The following CCDC171 variants were observed in gnomAD, a reference collection of about 807,000 sequenced individuals.
CCDC171 encodes coiled-coil domain containing 171.
CCDC171 carries 177 observed loss-of-function variants against 168.2 expected under a neutral mutation model. The ratio of observed to expected loss-of-function variants is 1.05; its 90% CI spans 0.93 to 1.19. The LOEUF is 1.19. Ranked by LOEUF, CCDC171 falls within the 50% of genes most tolerant of loss-of-function variation. The pLI is 0.00. For missense variants in CCDC171, 1,991 were observed against 1,539.0 expected, an observed-to-expected ratio of 1.29 and a Z score of -4.91; for synonymous variants, 687 against 540.8, an observed-to-expected ratio of 1.27 and a Z score of -3.75.
chr9:15,974,685 A>C (rs1831567670), downstream of CCDC171, among the ~76,000 whole-genome samples: 1 of 152,210 alleles, frequency 6.6e-6, no homozygotes, highest in Non-Finnish European at 1.5e-5. Flanking sequence ...GATTGCAAAA[A>C]TTGCCAGTTC....
chr9:15,678,480 A>G (rs2049800793), intron 9 of CCDC171, among the ~76,000 whole-genome samples: 1 of 152,328 alleles, frequency 6.6e-6, no homozygotes, highest in Non-Finnish European at 1.5e-5. Flanking sequence ...TTGCTCGTCA[A>G]AAATGATGGT....
At chr9:15,941,524 T>C (rs1479362514) in intron 25 of CCDC171, among the ~76,000 whole-genome samples, 1 of 152,006 alleles carries the variant, frequency 6.6e-6, no homozygotes, top group African/African-American at 2.4e-5. Flanking sequence ...TAGGGAAATT[T>C]ACCTCAGTCT....
At chr9:16,081,334 C>G in the CCDC171 span, among the ~76,000 whole-genome samples, 1 of 152,192 alleles carries the variant, frequency 6.6e-6, no homozygotes, top group East Asian at 1.9e-4. Flanking sequence ...AGCCATCTCC[C>G]TTACTGGTCA....
At chr9:16,037,612 A>T (rs189906741) in intron 8 of CCDC171, among the ~76,000 whole-genome samples, 2 of 152,256 alleles carry the variant, frequency 1.3e-5, no homozygotes, top group Non-Finnish European at 2.9e-5. Context: ...TGAAAACATA[A>T]TAAATTATGA....
chr9:15,905,481 A>G (rs1799442885), intron 24 of CCDC171, among the ~76,000 whole-genome samples: 1 of 152,216 alleles, frequency 6.6e-6, no homozygotes, highest in South Asian at 2.1e-4. Flanking sequence ...CAACGAGAAC[A>G]AAGACACAAC....
the CCDC171 span, among the ~76,000 whole-genome samples, chr9:16,108,269 C>T: frequency 6.6e-6 from 1 of 152,202 alleles, no homozygotes; most frequent in African/African-American, 2.4e-5. Context: ...AACATGTATT[C>T]TGTTCTTTGG....
chr9:16,053,634 C>T (rs776405167), intron 1 of CCDC171, among the ~76,000 whole-genome samples: 24 of 152,252 alleles, frequency 1.6e-4, no homozygotes, highest in Non-Finnish European at 2.2e-4. Flanking sequence ...CTCCTGAGCA[C>T]GGCCCCTCTC....
intron 7 of CCDC171, 50 bp downstream of exon 7, chr9:15,623,463 A>ACGCGCACGCG: frequency 1.6e-6 from 1 of 633,912 alleles, no homozygotes; most frequent in Non-Finnish European, 2.6e-6. Context: ...ACTTTCACAT[A>ACGCGCACGCG]TGCGCGCGCG....
chr9:16,059,241 G>C (rs956367749), intron 1 of CCDC171, among the ~76,000 whole-genome samples: 1 of 152,226 alleles, frequency 6.6e-6, no homozygotes, highest in African/African-American at 2.4e-5. Context: ...TCAGGCAGGT[G>C]CGAATGTTTC....
chr9:16,098,571 C>T, the CCDC171 span, among the ~76,000 whole-genome samples: 13 of 152,154 alleles, frequency 8.5e-5, no homozygotes, highest in African/African-American at 2.4e-4. Context: ...ATCATATGTC[C>T]GCTTCCCAGT....
intron 11 of CCDC171, among the ~76,000 whole-genome samples, chr9:15,711,968 G>T (rs187924385): frequency 1.3e-5 from 2 of 152,194 alleles, no homozygotes; most frequent in African/African-American, 4.8e-5. Flanking sequence ...TTCCAGGAGG[G>T]TCTATTATCC....
intron 21 of CCDC171, among the ~76,000 whole-genome samples, chr9:15,793,019 T>A (rs888557867): frequency 3.9e-5 from 6 of 152,058 alleles, no homozygotes; most frequent in Non-Finnish European, 8.8e-5. Context: ...ATTAAAAGAC[T>A]CAGACTGGCA....
chr9:16,018,961 A>AG (rs1564122308), intron 3 of CCDC171, among the ~76,000 whole-genome samples: 10 of 152,056 alleles, frequency 6.6e-5, no homozygotes, highest in African/African-American at 2.4e-4. Flanking sequence ...AGATTGAACA[A>AG]TTTTTCCTAT....
At chr9:15,657,419 C>T (rs1312077554) in intron 8 of CCDC171, among the ~76,000 whole-genome samples, 200 bp downstream of exon 8, 2 of 152,164 alleles carry the variant, frequency 1.3e-5, no homozygotes, top group Non-Finnish European at 2.9e-5. Flanking sequence ...CTATAGCCTA[C>T]AGGCCAGGTC....
intron 10 of CCDC171, among the ~76,000 whole-genome samples, chr9:15,694,962 C>A (rs144274016): frequency 3.9e-5 from 6 of 152,294 alleles, no homozygotes; most frequent in African/African-American, 1.2e-4. Context: ...GCCTTTCCAT[C>A]ATAGGGTTAT....
intron 25 of CCDC171, among the ~76,000 whole-genome samples, chr9:15,961,353 G>T (rs1453489602): frequency 6.6e-6 from 1 of 152,164 alleles, no homozygotes; most frequent in East Asian, 1.9e-4. Flanking sequence ...ATAGTTCCCA[G>T]AGAGAGTGTG....
chr9:16,015,954 A>C (rs1178521407), intron 3 of CCDC171, among the ~76,000 whole-genome samples: 1 of 152,188 alleles, frequency 6.6e-6, no homozygotes, highest in Non-Finnish European at 1.5e-5. Flanking sequence ...AATTTCATTT[A>C]TTTTTAAGGC....
intron 24 of CCDC171, among the ~76,000 whole-genome samples, chr9:15,896,465 A>C (rs898398417): frequency 1.3e-5 from 2 of 152,054 alleles, no homozygotes; most frequent in Non-Finnish European, 2.9e-5. Context: ...AGTCAAGTCC[A>C]GGGCCATTTC....
At chr9:16,056,784 G>A (rs996017454) in intron 1 of CCDC171, among the ~76,000 whole-genome samples, 3 of 152,110 alleles carry the variant, frequency 2.0e-5, no homozygotes, top group Admixed American at 1.3e-4. Flanking sequence ...CACTGTGGCC[G>A]GCCCTAACAG....
Sources: allele counts gnomAD v4.1 joint callset (sites outside exome capture counted in the v4.1 genomes callset), GRCh38; gene constraint gnomAD v4.1.1; transcripts MANE v1.5; gene names NCBI Gene and HGNC (gene_info 2026-07-23, HGNC 2026-07-21).